FGD5: variants seen among roughly 807,000 people sequenced by gnomAD.
FGD5 encodes the protein FYVE, RhoGEF and PH domain containing 5.
Under a neutral mutation model 133.4 loss-of-function variants are expected in FGD5, and 28 were observed. That is an observed-to-expected ratio of 0.21 (90% CI 0.16 to 0.29). The LOEUF (loss-of-function observed/expected upper bound fraction) is 0.29. Among genes scored for constraint, FGD5 ranks in the 10% least tolerant of loss-of-function variants. FGD5 has a pLI of 1.00. For synonymous variants in FGD5, 810 were observed against 776.5 expected, an observed-to-expected ratio of 1.04 and a Z score of -0.72; for missense variants, 1,858 against 1,895.2, an observed-to-expected ratio of 0.98 and a Z score of 0.36.
Position 14,917,368 on chromosome 3 carries a change from G to T in FGD5, c.3489+36G>T, listed in dbSNP as rs2038579382. 1.3e-6 allele frequency: 2 copies of T among 1,580,966 alleles called. No homozygotes were observed. The highest frequency in any genetic ancestry group is 1.7e-6 in the Non-Finnish European group (2 of 1,158,630). On this transcript the variant is annotated intron_variant, in intron 12 of 19. Transcript: ENST00000285046. The surrounding 1 kb of genome is among the most constrained non-coding windows in gnomAD (Gnocchi z 4.1). ...GGTGCCAGGTACCCCCGGGTTGGGG[G>T]ACAGGGAGACCCCAGGGGAGAAGGG...
At chr3:14,846,371 G>A (rs1420171165) in intron 1 of FGD5, among the ~76,000 whole-genome samples, 3 of 152,166 alleles carry the variant, frequency 2.0e-5, no homozygotes, top group Non-Finnish European at 4.4e-5. Context: ...AGTTGTCTGT[G>A]GGGTGGGTGG....
intron 1 of FGD5, among the ~76,000 whole-genome samples, chr3:14,824,754 T>C (rs539354828): frequency 1.3e-5 from 2 of 152,284 alleles, no homozygotes; most frequent in East Asian, 3.9e-4. Context: ...TTTAGAAAAA[T>C]GTAATGGAAA....
intron 1 of FGD5, among the ~76,000 whole-genome samples, chr3:14,851,249 T>C (rs2037158305): frequency 6.6e-6 from 1 of 152,176 alleles, no homozygotes; most frequent in South Asian, 2.1e-4. Context: ...AGATGTCATC[T>C]CATCTGATCC....
At chr3:14,880,517 T>A in intron 2 of FGD5, 55 bp from the exon 3 acceptor site, 4 of 1,573,094 alleles carry the variant, frequency 2.5e-6, no homozygotes, top group Non-Finnish European at 3.5e-6. Flanking sequence ...CATGGTGGCC[T>A]CCTCTAGAAA....
chr3:14,892,485 C>G (rs2038048452), intron 4 of FGD5, among the ~76,000 whole-genome samples: 2 of 152,174 alleles, frequency 1.3e-5, no homozygotes, highest in African/African-American at 4.8e-5. Context: ...AGATGTGAAC[C>G]ACTGCATCTG....
At chr3:14,823,901 A>G (rs74418396) in intron 1 of FGD5, among the ~76,000 whole-genome samples, 1 of 152,248 alleles carries the variant, frequency 6.6e-6, no homozygotes, top group Admixed American at 6.5e-5. Context: ...TTATGACAAT[A>G]GGGAATAAAA....
At chr3:14,847,422 C>A (rs1195446523) in intron 1 of FGD5, among the ~76,000 whole-genome samples, 1 of 152,164 alleles carries the variant, frequency 6.6e-6, no homozygotes, top group Non-Finnish European at 1.5e-5. Context: ...TGCTTCTAAC[C>A]CTGAACTGCT....
At chr3:14,926,279 C>G (rs540801873) in intron 18 of FGD5, 81 bp downstream of exon 18, 2 of 1,564,764 alleles carry the variant, frequency 1.3e-6, no homozygotes, top group Admixed American at 1.7e-5. Context: ...CTGTCACTTG[C>G]AAAGCTGTGT....
At chr3:14,878,357 T>G (rs536901684) in intron 2 of FGD5, among the ~76,000 whole-genome samples, 3 of 152,254 alleles carry the variant, frequency 2.0e-5, no homozygotes, top group Admixed American at 6.5e-5. Flanking sequence ...CTGCTGCTAC[T>G]GTCAGAGGAG....
chr3:14,845,698 G>T (rs193071355), intron 1 of FGD5, among the ~76,000 whole-genome samples: 1 of 152,292 alleles, frequency 6.6e-6, no homozygotes, highest in Admixed American at 6.5e-5. Context: ...AGATCCCCAG[G>T]GGTGGGCTTC....
rs930319810 is a variant in FGD5, at chr3:14,923,080, C to A, written c.3842C>A (p.Pro1281Gln). Reference protein sequence around the residue: ...VCRNCSRNKYPLKYLKDRMAK... With the variant: ...VCRNCSRNKYQLKYLKDRMAK... Reference sequence around the variant, plus strand: ...CGGAACTGTTCGCGGAACAAGTACCCGCTGAAGTACCTGAAGGACAGGATG... The same window carrying A: ...CGGAACTGTTCGCGGAACAAGTACCAGCTGAAGTACCTGAAGGACAGGATG... The change falls in exon 16 of 20, where the codon CCG (proline) becomes CAG (glutamine). Residue 1281 changes from proline (P) to glutamine (Q), a missense_variant. Coordinates refer to ENST00000285046, the MANE Select transcript of FGD5 (RefSeq NM_152536.4). The A allele has an allele frequency of 4.3e-6, 7 of 1,613,726 alleles. No individual in the cohort carries two copies. The African/African-American group carries it at 5.3e-5, about 12-fold the overall frequency.
intron 4 of FGD5, chr3:14,882,406 T>G: frequency 1.0e-6 from 1 of 962,546 alleles, no homozygotes; most frequent in Non-Finnish European, 1.2e-6. Flanking sequence ...CCCATAAAAG[T>G]CATCACTCAG....
intron 17 of FGD5, 135 bp downstream of exon 17, chr3:14,924,273 C>T: frequency 1.5e-6 from 2 of 1,359,730 alleles, no homozygotes; most frequent in African/African-American, 1.4e-5. Context: ...CTAATGGAAG[C>T]ATCCCAGCTA....
intron 4 of FGD5, among the ~76,000 whole-genome samples, chr3:14,888,328 C>G (rs1465683960): frequency 6.6e-6 from 1 of 152,198 alleles, no homozygotes; most frequent in African/African-American, 2.4e-5. Flanking sequence ...ACACTGCTCT[C>G]TCTTAGTTAG....
chr3:14,877,667 T>G (rs2037746197), intron 2 of FGD5, among the ~76,000 whole-genome samples: 1 of 152,132 alleles, frequency 6.6e-6, no homozygotes, highest in South Asian at 2.1e-4. Context: ...GGCCACGTTC[T>G]GAGGATCCGG....
At chr3:14,883,903 G>T (rs2037875907) in intron 4 of FGD5, among the ~76,000 whole-genome samples, 1 of 152,244 alleles carries the variant, frequency 6.6e-6, no homozygotes, top group Admixed American at 6.5e-5. Context: ...AGTTCACCAG[G>T]CCAGGGTAGT....
chr3:14,848,267 C>A (rs1040936103), intron 1 of FGD5, among the ~76,000 whole-genome samples: 2 of 152,080 alleles, frequency 1.3e-5, no homozygotes, highest in African/African-American at 4.8e-5. Context: ...CCTGCCCTTC[C>A]CCGCGCCTCT....
chr3:14,856,017 A>G (rs1258184275), intron 1 of FGD5, among the ~76,000 whole-genome samples: 3 of 152,066 alleles, frequency 2.0e-5, no homozygotes, highest in Non-Finnish European at 4.4e-5. Context: ...TGGGTCTTAC[A>G]TTTAGGTCTT....
chr3:14,896,255 A>G (rs1400016463), intron 4 of FGD5, among the ~76,000 whole-genome samples: 3 of 152,182 alleles, frequency 2.0e-5, no homozygotes, highest in Non-Finnish European at 2.9e-5. Flanking sequence ...CAAAATACCA[A>G]TGACATTCTT....
Sources: allele counts gnomAD v4.1 joint callset (sites outside exome capture counted in the v4.1 genomes callset), GRCh38; gene constraint gnomAD v4.1.1; non-coding constraint Gnocchi (gnomAD v3.1); transcripts MANE v1.5; gene names NCBI Gene and HGNC (gene_info 2026-07-23, HGNC 2026-07-21).